The following IRS2 variants were observed in gnomAD, a reference collection of about 807,000 sequenced individuals.
IRS2 encodes the protein insulin receptor substrate 2.
Under a neutral mutation model 70.9 loss-of-function variants are expected in IRS2, and 28 were observed. That is an observed-to-expected ratio of 0.39 (90% confidence interval 0.29 to 0.54). IRS2 has a LOEUF of 0.54. Among genes scored for constraint, IRS2 ranks in the 20% least tolerant of loss-of-function variants. The pLI is 0.59. For synonymous variants in IRS2, 1,217 were observed against 981.9 expected, an observed-to-expected ratio of 1.24 and a Z score of -4.48; for missense variants, 2,081 against 2,024.1, an observed-to-expected ratio of 1.03 and a Z score of -0.54.
chr13:109,768,745 C>T (rs896587421), intron 1 of IRS2, among the ~76,000 whole-genome samples: 1 of 151,800 alleles, frequency 6.6e-6, no homozygotes, highest in South Asian at 2.1e-4. Flanking sequence ...CTGTGTGTTA[C>T]CAGAAGATAC....
In IRS2 at chr13:109,782,832, C is replaced by G; in HGVS notation, c.3222G>C (p.Glu1074Asp). The G allele has an allele frequency of 6.3e-7, 1 of 1,588,408 alleles. No individual in the cohort carries two copies. Among genetic ancestry groups the G allele is most frequent in the East Asian group, 2.3e-5 (1 of 43,784 alleles). The stretch of plus-strand genomic sequence containing the variant: ...GGGTGGCGGCCACACCAAAAGCCAT[C>G]TCGGTGTAGTCACCATTGTCCCCGG... ...SDTGDNGDYT[E>D]MAFGVAATPP... Residue 1074 changes from glutamate to aspartate, a missense_variant, in exon 1 of 2, where the codon GAG (glutamate) becomes GAC (aspartate). Glu to Asp is a conservative substitution (Grantham distance 45). This residue lies in a region of IRS2 where 1,615 missense variants were observed against 1,459.5 expected (regional missense o/e 1.11). Transcript: ENST00000375856.
chr13:109,769,714 C>T (rs1413203667), intron 1 of IRS2, among the ~76,000 whole-genome samples: 1 of 152,194 alleles, frequency 6.6e-6, no homozygotes, highest in East Asian at 1.9e-4. Flanking sequence ...TGAAGACTCG[C>T]CCACTTTCTG....
intron 1 of IRS2, among the ~76,000 whole-genome samples, chr13:109,778,927 G>C (rs975024012): frequency 2.0e-5 from 3 of 152,130 alleles, no homozygotes; most frequent in Admixed American, 2.0e-4. Context: ...TTAAAGCACA[G>C]GAAATTCAGT....
chr13:109,762,806 C>T (rs1312200995), intron 1 of IRS2, among the ~76,000 whole-genome samples: 1 of 152,182 alleles, frequency 6.6e-6, no homozygotes, highest in Non-Finnish European at 1.5e-5. Flanking sequence ...CATGCCATTT[C>T]TCACAGGCAG....
chr13:109,776,586 C>A (rs79692857), intron 1 of IRS2, among the ~76,000 whole-genome samples: 5,979 of 152,298 alleles, frequency 0.039, 150 homozygotes, highest in Admixed American at 0.054. Flanking sequence ...GCATTATTTG[C>A]ACCTACAGAG....
chr13:109,777,347 G>C (rs1008196480), intron 1 of IRS2, among the ~76,000 whole-genome samples: 1 of 152,074 alleles, frequency 6.6e-6, no homozygotes, highest in Non-Finnish European at 1.5e-5. Context: ...TAAAGAAAAT[G>C]CATTAGTGGG....
rs1317202357 is a variant in IRS2 at position 109,782,776 on chromosome 13, G to A, written c.3278C>T (p.Pro1093Leu). ...PPQPIAAPPK[P>L]EAARVASPTS... ...CGGGCTGGCCACGCGGGCAGCTTCTGGCTTCGGGGGGGCCGCGATAGGTTG... is the reference window on the plus strand; with the variant it reads ...CGGGCTGGCCACGCGGGCAGCTTCTAGCTTCGGGGGGGCCGCGATAGGTTG... Residue 1093 changes from proline (P) to leucine (L), a missense_variant, in exon 1 of 2, where the codon CCA (proline) becomes CTA (leucine). Physicochemically the swap from Pro to Leu is moderately conservative, Grantham distance 98 (BLOSUM62 -3). Transcript: ENST00000375856. 1 of 1,603,376 alleles carries A rather than the reference G, an allele frequency of 6.2e-7. No individual in the cohort carries two copies. Among genetic ancestry groups the A allele is most frequent in the African/African-American group, 1.3e-5 (1 of 74,858 alleles).
At chr13:109,768,511 CA>C (rs1877383981) in intron 1 of IRS2, among the ~76,000 whole-genome samples, 1 of 152,228 alleles carries the variant, frequency 6.6e-6, no homozygotes, top group Non-Finnish European at 1.5e-5. Flanking sequence ...TGGAATAATA[CA>C]TTGGAATAAT....
At position 109,784,369 on chromosome 13, in the gene IRS2, TC is replaced by T; in HGVS notation, c.1684del (p.Asp562ThrfsTer17). ...CCCTCGGTCCAGGTCCTGGGCCGCG[TC>T]CCCCGAGACCCGGCGGTAGGAGCGG... is the stretch of plus-strand genomic sequence containing the variant. ...CGRSYRRVSGDAAQDLDRGLR... is the reference protein window; with the variant it reads ...CGRSYRRVSGXAAQDLDRGLR... On this transcript the variant is annotated frameshift_variant, in exon 1 of 2. Coordinates refer to ENST00000375856, the MANE Select transcript of IRS2 (RefSeq NM_003749.3). LOFTEE classifies it high-confidence loss of function. This position sits in a 1 kb window ranked among gnomAD's most constrained non-coding sequence, Gnocchi z 5.2. 6.2e-7 allele frequency: 1 copy of T among 1,608,616 alleles called. No individual in the cohort carries two copies.
Position 109,782,027 on chromosome 13 carries a change from A to G in IRS2, c.4012+15T>C. The G allele has an allele frequency of 1.2e-6, 2 of 1,611,740 alleles. No individual in the cohort carries two copies. Among genetic ancestry groups the G allele is most frequent in the Non-Finnish European group, 1.7e-6 (2 of 1,179,630 alleles). On this transcript the variant is annotated intron_variant, in intron 1 of 1. Coordinates refer to ENST00000375856, the MANE Select transcript of IRS2 (RefSeq NM_003749.3). ...CCTCCTTCCCGCCAGACGCCAAGGCAAAGGGCCTCCTCACCTTTCACGATG... is the reference window on the plus strand; with the variant it reads ...CCTCCTTCCCGCCAGACGCCAAGGCGAAGGGCCTCCTCACCTTTCACGATG...
chr13:109,778,300 C>T (rs544463176), intron 1 of IRS2, among the ~76,000 whole-genome samples: 5 of 152,320 alleles, frequency 3.3e-5, no homozygotes, highest in African/African-American at 1.2e-4. Flanking sequence ...AACCTGGTTT[C>T]CTGATTCCTG....
chr13:109,782,532 C>A lies in IRS2; in HGVS notation c.3522G>T (p.Ser1174=), dbSNP rs1235581592. ...TGAGAGAGACATTTTCCACGGAGGC[C>A]GAGTTGTGGCGCTTGGGGTTGTGGG... ...SFAHNPKRHN[S]ASVENVSLRK... is the part of the protein sequence containing the mutation. The change falls in exon 1 of 2, where the codon TCG becomes TCT. Residue 1174 remains serine, a synonymous_variant. Coordinates refer to ENST00000375856, the MANE Select transcript of IRS2 (RefSeq NM_003749.3). 6.4e-7 allele frequency: 1 copy of A among 1,557,230 alleles called. No homozygotes were observed. The highest frequency in any genetic ancestry group is 1.2e-5 in the South Asian group (1 of 85,164).
Position 109,753,391 on chromosome 13 carries a change from A to G in IRS2, c.*2913T>C, listed in dbSNP as rs560242877. ...AAGGGAGCACTAAGCAGAGGTGCAT[A>G]AGCAGATTCTGGACTGCAGAGCTGG... On this transcript the variant is annotated 3_prime_UTR_variant, in exon 2 of 2. Transcript: ENST00000375856. 1 of 152,426 alleles carries G rather than the reference A, an allele frequency of 6.6e-6. No homozygotes were observed. Among genetic ancestry groups the G allele is most frequent in the African/African-American group, 2.4e-5 (1 of 41,582 alleles). 9.4% of individuals were successfully genotyped at this position (152,426 alleles called of 1,614,324 possible). A position where few individuals can be genotyped will look rare whatever the true frequency, so the allele number is the denominator to read the frequency against.
At chr13:109,781,134 A>G (rs1209293017) in intron 1 of IRS2, among the ~76,000 whole-genome samples, 1 of 152,098 alleles carries the variant, frequency 6.6e-6, no homozygotes, top group African/African-American at 2.4e-5. Context: ...TAGCCATCTC[A>G]TGTTTCACTT....
Position 109,785,106 on chromosome 13 carries a change from G to A in IRS2, c.948C>T (p.Pro316=), listed in dbSNP as rs937920428. 1.3e-6 allele frequency: 2 copies of A among 1,590,824 alleles called. No individual in the cohort carries two copies. Among genetic ancestry groups the A allele is most frequent in the Non-Finnish European group, 1.7e-6 (2 of 1,169,792 alleles). The part of the protein sequence containing the change: ...SQSSGSSATH[P]ISVPGARRHH... ...GGCGGCGCGCGCCGGGGACGCTGATGGGGTGCGTGGCCGACGACCCCGACG... is the reference window on the plus strand; with the variant it reads ...GGCGGCGCGCGCCGGGGACGCTGATAGGGTGCGTGGCCGACGACCCCGACG... Residue 316 remains proline, a synonymous_variant, in exon 1 of 2, where the codon CCC becomes CCT. Coordinates refer to ENST00000375856, the MANE Select transcript of IRS2 (RefSeq NM_003749.3). This position sits in a 1 kb window ranked among gnomAD's most constrained non-coding sequence, Gnocchi z 9.3.
rs997942200 is a variant in IRS2 at position 109,782,936 on chromosome 13, C to T, written c.3118G>A (p.Glu1040Lys). 3 of 1,472,606 alleles carry T rather than the reference C, an allele frequency of 2.0e-6. No homozygotes were observed. Among genetic ancestry groups the T allele is most frequent in the Non-Finnish European group, 2.7e-6 (3 of 1,115,298 alleles). The allele number at this position is 1,472,606 out of a possible 1,614,324, so 91.2% of individuals were successfully genotyped here. ...QPPPPPPAPG[E>K]LYRLPPASAV... ...GAGGCGGGGGGCAGGCGGTACAGCT[C>T]CCCCGGGGCCGGCGGCGGTGGCGGC... The change falls in exon 1 of 2, where the codon GAG becomes AAG. Residue 1040 changes from glutamate to lysine, a missense_variant. Physicochemically the swap from Glu to Lys is moderately conservative, Grantham distance 56 (BLOSUM62 1). Coordinates refer to ENST00000375856, the MANE Select transcript of IRS2 (RefSeq NM_003749.3).
At position 109,783,364 on chromosome 13, in the gene IRS2, C is replaced by T; in HGVS notation, c.2690G>A (p.Gly897Glu). 3 of 1,543,214 alleles carry T rather than the reference C, an allele frequency of 1.9e-6. No individual in the cohort carries two copies. The highest frequency in any genetic ancestry group is 2.4e-5 in the South Asian group (2 of 84,670). Residue 897 changes from glycine (G) to glutamate (E), a missense_variant, in exon 1 of 2, where the codon GGG becomes GAG. Physicochemically the swap from Gly to Glu is moderately conservative, Grantham distance 98 (BLOSUM62 -2). Coordinates refer to ENST00000375856, the MANE Select transcript of IRS2 (RefSeq NM_003749.3). ...AVRPTRLSLE[G>E]LPSLPSMHEY... ...GTGCATGCTGGGCAGGCTGGGCAGC[C>T]CCTCCAGGGACAGGCGCGTGGGCCT... is the stretch of plus-strand genomic sequence containing the variant.
chr13:109,773,608 A>C (rs904486097), intron 1 of IRS2, among the ~76,000 whole-genome samples: 6 of 152,212 alleles, frequency 3.9e-5, no homozygotes, highest in Admixed American at 1.3e-4. Context: ...TGATAAAGTA[A>C]ATACATGACC....
At position 109,784,223 on chromosome 13, in the gene IRS2, G is replaced by A. The variant is rs1805440215; in HGVS notation, c.1831C>T (p.Arg611Cys). 3 of 1,569,886 alleles carry A rather than the reference G, an allele frequency of 1.9e-6. No individual in the cohort carries two copies. The highest frequency in any genetic ancestry group is 2.6e-6 in the Non-Finnish European group (3 of 1,157,294). Reference protein sequence around the residue: ...MRATFSGSAGRLCPSCPASSP... With the variant: ...MRATFSGSAGCLCPSCPASSP... ...GACGCGGGGCAGGACGGGCAGAGGC[G>A]GCCCGCGCTGCCCGAGAAGGTGGCC... The change falls in exon 1 of 2, where the codon CGC (arginine) becomes TGC (cysteine). Residue 611 changes from arginine to cysteine, a missense_variant. This residue lies in a region of IRS2 where 1,615 missense variants were observed against 1,459.5 expected (regional missense o/e 1.11). Coordinates refer to ENST00000375856, the MANE Select transcript of IRS2 (RefSeq NM_003749.3). This position sits in a 1 kb window ranked among gnomAD's most constrained non-coding sequence, Gnocchi z 5.2.
Sources: allele counts gnomAD v4.1 joint callset (sites outside exome capture counted in the v4.1 genomes callset), GRCh38; gene constraint gnomAD v4.1.1; regional missense constraint gnomAD v4.1.1; non-coding constraint Gnocchi (gnomAD v3.1); transcripts MANE v1.5; gene names NCBI Gene and HGNC (gene_info 2026-07-23, HGNC 2026-07-21).